ZNF207: variants seen among roughly 807,000 people sequenced by gnomAD.
ZNF207 encodes the protein zinc finger protein 207.
A neutral mutation model predicts 60.2 loss-of-function variants in ZNF207; 24 were observed. That is an observed-to-expected ratio of 0.40 (90% CI 0.29 to 0.56). ZNF207 has a LOEUF of 0.56. ZNF207 is among the 20% of genes least tolerant of loss of function. The pLI, the probability that ZNF207 is intolerant of heterozygous loss-of-function variation, is 0.49. For synonymous variants in ZNF207, 236 were observed against 194.7 expected (o/e 1.21, Z -1.77); for missense variants, 452 against 636.6 (o/e 0.71, Z 3.12).
intron 6 of ZNF207, 21 bp from the exon 7 acceptor site, chr17:32,362,893 T>C (rs1330829046): frequency 1.9e-6 from 3 of 1,611,320 alleles, no homozygotes; most frequent in Admixed American, 3.3e-5. Context: ...TTACTGTTTC[T>C]TGAAATTTGC....
intron 10 of ZNF207, chr17:32,369,041 A>G: frequency 2.3e-6 from 1 of 433,098 alleles, no homozygotes. Context: ...ACTTCATTAG[A>G]TAGTTTCTTG....
Position 32,358,527 on chromosome 17 carries a change from G to T in ZNF207, c.193G>T (p.Val65Leu). The change falls in exon 3 of 12, where the codon GTA (valine) becomes TTA (leucine). Residue 65 changes from valine to leucine, a missense_variant. Val to Leu is a conservative substitution (Grantham distance 32, BLOSUM62 1). Coordinates refer to ENST00000394670, the MANE Select transcript of ZNF207 (RefSeq NM_001098507.2). ...GGTACATAAAGAAACAATAGATGCC[G>T]TACCAAATGCAATACCTGGAAGAAC... ...MQVHKETIDA[V>L]PNAIPGRTDI... 1 of 1,564,348 alleles carries T rather than the reference G, an allele frequency of 6.4e-7. No homozygotes were observed. Among genetic ancestry groups the T allele is most frequent in the Non-Finnish European group, 8.6e-7 (1 of 1,163,314 alleles).
rs1196055362 is a variant in ZNF207, at chr17:32,379,498, G to A, written c.*9739G>A. 2 of 152,028 alleles carry A rather than the reference G, an allele frequency of 1.3e-5. No individual in the cohort carries two copies. The highest frequency in any genetic ancestry group is 4.8e-5 in the African/African-American group (2 of 41,432). 9.4% of individuals were successfully genotyped at this position (152,028 alleles called of 1,614,324 possible). On this transcript the variant is annotated 3_prime_UTR_variant, in exon 12 of 12. Transcript: ENST00000394670. ...ATGTTTAAAATTAGTATTTAAGAAA[G>A]TTCTTAAACATTTTTTTTAGTTGGC... is the stretch of plus-strand genomic sequence containing the variant.
Position 32,357,353 on chromosome 17 carries a change from T to A in ZNF207, c.169-1150T>A, listed in dbSNP as rs904327773. On this transcript the variant is annotated intron_variant, in intron 2 of 11. Transcript: ENST00000394670. ...TTATTATTATTATTATTATTATTAT[T>A]TTTTTTTTTTTTTGAGACAGAATCT... 1.6e-4 allele frequency among the ~76,000 whole-genome samples: 14 copies of A among 88,188 alleles called. 1 individual carries two copies. The highest frequency in any genetic ancestry group is 6.9e-4 in the Admixed American group (6 of 8,718). 57.9% of individuals were successfully genotyped at this position (88,188 alleles called of 152,430 possible).
intron 7 of ZNF207, 134 bp from the exon 8 acceptor site, chr17:32,365,196 G>A: frequency 1.1e-6 from 1 of 946,342 alleles, no homozygotes; most frequent in Admixed American, 2.8e-5. Context: ...GTTGCATGGG[G>A]CAAATGCCTA....
intron 8 of ZNF207, among the ~76,000 whole-genome samples, chr17:32,365,878 G>A (rs1272702293): frequency 6.6e-6 from 1 of 151,932 alleles, no homozygotes; most frequent in African/African-American, 2.4e-5. Context: ...CATTTGTCAG[G>A]CTCTGCCTCT....
In ZNF207 at chr17:32,351,928, C is replaced by A; in HGVS notation, c.168+16C>A. 1 of 1,522,964 alleles carries A rather than the reference C, an allele frequency of 6.6e-7. No individual in the cohort carries two copies. The highest frequency in any genetic ancestry group is 8.8e-7 in the Non-Finnish European group (1 of 1,133,346). 94.3% of individuals were successfully genotyped at this position (1,522,964 alleles called of 1,614,324 possible). On this transcript the variant is annotated intron_variant, in intron 2 of 11. Transcript: ENST00000394670. ...TTGCATGCAGGTAAGGATTTTTCTT[C>A]TGTATTTATTGTCCGCTTGTGATTT...
rs760447540 is a variant in ZNF207, at chr17:32,350,247, C to T, written c.-39C>T. 6.2e-7 allele frequency: 1 copy of T among 1,613,800 alleles called. No homozygotes were observed. The highest frequency in any genetic ancestry group is 1.3e-5 in the African/African-American group (1 of 74,912). On this transcript the variant is annotated 5_prime_UTR_variant, in exon 1 of 12. Coordinates refer to ENST00000394670, the MANE Select transcript of ZNF207 (RefSeq NM_001098507.2). Reference sequence around the variant, plus strand: ...ATTTTTGGCCTCGTTTCTCCTGCTTCTTTTCTCCTCCCTTTTACTTTGCCG... The same window carrying T: ...ATTTTTGGCCTCGTTTCTCCTGCTTTTTTTCTCCTCCCTTTTACTTTGCCG...
intron 2 of ZNF207, among the ~76,000 whole-genome samples, chr17:32,355,841 T>G (rs945655157): frequency 6.6e-6 from 1 of 152,200 alleles, no homozygotes; most frequent in Non-Finnish European, 1.5e-5. Context: ...GTAAGAGTAC[T>G]GAGACTGGGT....
chr17:32,350,215 G>A lies in ZNF207; in HGVS notation c.-71G>A. On this transcript the variant is annotated 5_prime_UTR_variant, in exon 1 of 12. It adds an upstream start codon to the 5' untranslated region. Transcript: ENST00000394670. Reference sequence around the variant, plus strand: ...TGGTGGTAGCCGTTGGGTTGGGAAAGTGAGGGATTTTTGGCCTCGTTTCTC... The same window carrying A: ...TGGTGGTAGCCGTTGGGTTGGGAAAATGAGGGATTTTTGGCCTCGTTTCTC... The A allele has an allele frequency of 6.2e-7, 1 of 1,608,396 alleles. No individual in the cohort carries two copies. The highest frequency in any genetic ancestry group is 8.5e-7 in the Non-Finnish European group (1 of 1,174,936).
chr17:32,369,013 A>C, intron 10 of ZNF207: 1 of 296,142 alleles, frequency 3.4e-6, no homozygotes, highest in Non-Finnish European at 6.3e-6. Flanking sequence ...CAAAAAAAAA[A>C]AGAATGTTAA....
In ZNF207 at chr17:32,381,512, GACT is replaced by G. The variant is rs775013791; in HGVS notation, c.*11756_*11758del. On this transcript the variant is annotated 3_prime_UTR_variant, in exon 12 of 12. Transcript: ENST00000394670. Reference sequence around the variant, plus strand: ...TGTGCAAATGAAAAATGAAATGGAAGACTACATTTGTATATATATCTGTATAAT... The same window carrying G: ...TGTGCAAATGAAAAATGAAATGGAAGACATTTGTATATATATCTGTATAAT... 3 of 152,190 alleles carry G rather than the reference GACT, an allele frequency of 2.0e-5. No homozygotes were observed. The highest frequency in any genetic ancestry group is 4.4e-5 in the Non-Finnish European group (3 of 68,018). 9.4% of individuals were successfully genotyped at this position (152,190 alleles called of 1,614,324 possible). A position where few individuals can be genotyped will look rare whatever the true frequency, so the allele number is the denominator to read the frequency against.
chr17:32,352,696 C>G (rs1265887859), intron 2 of ZNF207, among the ~76,000 whole-genome samples: 2 of 152,108 alleles, frequency 1.3e-5, no homozygotes, highest in Non-Finnish European at 2.9e-5. Flanking sequence ...CAGCATTGTA[C>G]TTTTTGCTTT....
At chr17:32,361,411 T>C (rs1904875187) in intron 5 of ZNF207, 57 bp from the exon 6 acceptor site, 1 of 1,475,270 alleles carries the variant, frequency 6.8e-7, no homozygotes, top group Non-Finnish European at 9.4e-7. Context: ...CAATACACTT[T>C]CCCACTGTAT....
intron 2 of ZNF207, among the ~76,000 whole-genome samples, chr17:32,357,336 A>ATTTT (rs1419043137): frequency 2.4e-4 from 21 of 87,858 alleles, no homozygotes; most frequent in African/African-American, 8.0e-4. Context: ...TATTATTATT[A>ATTTT]TTATTATTAT....
chr17:32,350,414 G>C (rs547463975), intron 1 of ZNF207, 88 bp downstream of exon 1: 1 of 1,570,528 alleles, frequency 6.4e-7, no homozygotes, highest in African/African-American at 1.4e-5. Flanking sequence ...GGCTTACGGC[G>C]TGGAGCGTTT....
chr17:32,369,391 A>C lies in ZNF207; in HGVS notation c.1261A>C (p.Met421Leu). 1 of 1,614,166 alleles carries C rather than the reference A, an allele frequency of 6.2e-7. No individual in the cohort carries two copies. Among genetic ancestry groups the C allele is most frequent in the Non-Finnish European group, 8.5e-7 (1 of 1,180,030 alleles). The change falls in exon 11 of 12, where the codon ATG becomes CTG. Residue 421 changes from methionine to leucine, a missense_variant. This residue lies in a region of ZNF207 where 390 missense variants were observed against 461.4 expected (regional missense o/e 0.85). Transcript: ENST00000394670. ...GNPPVGPIGG[M>L]MPPQPGIPQQ... The stretch of plus-strand genomic sequence containing the variant: ...TCCACCAGTTGGACCAATTGGAGGT[A>C]TGATGCCACCACAGCCAGGCATCCC...
At chr17:32,362,820 C>T (rs1356665437) in intron 6 of ZNF207, 94 bp from the exon 7 acceptor site, 28 of 967,326 alleles carry the variant, frequency 2.9e-5, no homozygotes, top group Non-Finnish European at 4.1e-5. Flanking sequence ...TTCAAGTCTT[C>T]TATCTAGTGT....
intron 2 of ZNF207, among the ~76,000 whole-genome samples, chr17:32,355,877 AAG>A (rs1223162031): frequency 6.6e-6 from 1 of 152,186 alleles, no homozygotes; most frequent in East Asian, 1.9e-4. Flanking sequence ...TGACTTGACA[AAG>A]AGCGATTTCC....
Sources: allele counts gnomAD v4.1 joint callset (sites outside exome capture counted in the v4.1 genomes callset), GRCh38; gene constraint gnomAD v4.1.1; regional missense constraint gnomAD v4.1.1; transcripts MANE v1.5; gene names NCBI Gene and HGNC (gene_info 2026-07-23, HGNC 2026-07-21).